Variants in TBC1D2 observed in about 807,000 individuals in gnomAD.
TBC1D2 encodes the protein TBC1 domain family member 2A.
Under a neutral mutation model 91.1 loss-of-function variants are expected in TBC1D2, and 58 were observed. The observed-to-expected ratio is 0.64, with a 90% CI of 0.52 to 0.79. The LOEUF (loss-of-function observed/expected upper bound fraction) is 0.79, where lower values mean the gene tolerates loss of function less well. TBC1D2 is among the 30% of genes least tolerant of loss of function. TBC1D2 has a pLI of 0.00. For synonymous variants in TBC1D2, 482 were observed against 511.5 expected (o/e 0.94, Z 0.78); for missense variants, 1,080 against 1,208.3 (o/e 0.89, Z 1.57).
chr9:98,255,265 T>G lies in TBC1D2; in HGVS notation c.277A>C (p.Ile93Leu). 1 of 1,614,240 alleles carries G rather than the reference T, an allele frequency of 6.2e-7. No homozygotes were observed. Among genetic ancestry groups the G allele is most frequent in the Non-Finnish European group, 8.5e-7 (1 of 1,180,040 alleles). Residue 93 changes from isoleucine to leucine, a missense_variant, in exon 1 of 13, where the codon ATC becomes CTC. Transcript: ENST00000465784. ...TAQDANPLDS[I>L]DLSSAVFDCK... is the part of the protein sequence containing the mutation. ...TCAAACACTGCACTGGAGAGGTCGA[T>G]GCTGTCCAAGGGATTGGCATCCTGA... is the stretch of plus-strand genomic sequence containing the variant.
chr9:98,236,580 G>A (rs775608095), intron 3 of TBC1D2, among the ~76,000 whole-genome samples: 2 of 152,276 alleles, frequency 1.3e-5, no homozygotes, highest in Admixed American at 6.5e-5. Context: ...TTTCATTATA[G>A]AGTCCAGTAG....
intron 4 of TBC1D2, among the ~76,000 whole-genome samples, chr9:98,233,118 C>T (rs772784205): frequency 1.3e-5 from 2 of 152,212 alleles, no homozygotes; most frequent in Admixed American, 6.5e-5. Context: ...AGAGCTCTTT[C>T]GGCCACGTGA....
At chr9:98,242,743 T>G (rs1364796659) in intron 3 of TBC1D2, among the ~76,000 whole-genome samples, 1 of 149,950 alleles carries the variant, frequency 6.7e-6, no homozygotes, top group Non-Finnish European at 1.5e-5. Context: ...CAGCCATGAC[T>G]GGTGGAGCCA....
chr9:98,216,172 G>T (rs74376492), intron 6 of TBC1D2, among the ~76,000 whole-genome samples: 9,470 of 152,284 alleles, frequency 0.062, 326 homozygotes, highest in African/African-American at 0.075. Context: ...TACCTCATGT[G>T]GCTGGGAGAG....
intron 3 of TBC1D2, among the ~76,000 whole-genome samples, chr9:98,235,893 T>C (rs1301451324): frequency 6.6e-6 from 1 of 151,722 alleles, no homozygotes; most frequent in Middle Eastern, 3.2e-3. Context: ...AAATTAGCCA[T>C]GTGTGGTGGC....
intron 6 of TBC1D2, 62 bp downstream of exon 6, chr9:98,220,771 C>A: frequency 1.3e-6 from 2 of 1,584,798 alleles, no homozygotes; most frequent in Non-Finnish European, 1.7e-6. Flanking sequence ...GAGAGCGCAC[C>A]TTCCCTGAGG....
chr9:98,209,984 A>G (rs963477008), intron 8 of TBC1D2, among the ~76,000 whole-genome samples: 1 of 134,696 alleles, frequency 7.4e-6, no homozygotes, highest in South Asian at 2.3e-4. Context: ...GTGCACCACC[A>G]CTCTTCTTTT....
At chr9:98,245,417 A>G (rs537428568) in intron 2 of TBC1D2, among the ~76,000 whole-genome samples, 1 of 151,300 alleles carries the variant, frequency 6.6e-6, no homozygotes, top group Non-Finnish European at 1.5e-5. Context: ...AAACAGAAAA[A>G]TTAGCTGAGT....
At chr9:98,204,232 G>A (rs1564231886) in intron 9 of TBC1D2, among the ~76,000 whole-genome samples, 1 of 152,190 alleles carries the variant, frequency 6.6e-6, no homozygotes. Flanking sequence ...GGTCTCCCAA[G>A]ATGCTAGGTG....
Position 98,208,845 on chromosome 9 carries a change from C to T in TBC1D2, c.1973G>A (p.Arg658Gln), listed in dbSNP as rs202237270. ...AGCAGGGTGCTCGCGGGCCTGGCCC[C>T]GGCTCAGCAGTTCCTGGTAGCAGCC... ...TPGCYQELLS[R>Q]GQAREHPAAR... Residue 658 changes from arginine (R) to glutamine (Q), a missense_variant, in exon 9 of 13, where the codon CGG becomes CAG. Transcript: ENST00000465784. 41 of 1,611,520 alleles carry T rather than the reference C, an allele frequency of 2.5e-5. No individual in the cohort carries two copies. In the African/African-American group the frequency reaches 3.5e-4, roughly 14 times the overall value.
chr9:98,200,405 A>G (rs1588023962), intron 11 of TBC1D2, 31 bp from the exon 12 acceptor site: 2 of 1,394,570 alleles, frequency 1.4e-6, no homozygotes, highest in Admixed American at 2.1e-5. Flanking sequence ...CAGGTAGGGC[A>G]TGGGGGGGCC....
rs1828557208 is a variant in TBC1D2, at chr9:98,203,236, C to G, written c.2271+52G>C. The G allele has an allele frequency of 2.5e-6, 4 of 1,607,830 alleles. No homozygotes were observed. In the Admixed American group the frequency reaches 6.7e-5, roughly 27 times the overall value. On this transcript the variant is annotated intron_variant, in intron 10 of 12. Coordinates refer to ENST00000465784, the MANE Select transcript of TBC1D2 (RefSeq NM_001267571.2). The stretch of plus-strand genomic sequence containing the variant: ...GAGAGTCACAGGCTTCTAGGAACAG[C>G]TCTGGGGCACTGCCCTACATGGCTG...
At chr9:98,225,902 T>A (rs1829222154) in intron 5 of TBC1D2, among the ~76,000 whole-genome samples, 1 of 152,168 alleles carries the variant, frequency 6.6e-6, no homozygotes, top group Non-Finnish European at 1.5e-5. Context: ...CCAGATCAGC[T>A]AGGATAAGAC....
At chr9:98,201,715 C>T in intron 10 of TBC1D2, 51 bp from the exon 11 acceptor site, 1 of 1,538,052 alleles carries the variant, frequency 6.5e-7, no homozygotes, top group Non-Finnish European at 8.8e-7. Context: ...GTAGGGCTGC[C>T]TCCCTCCCTG....
chr9:98,227,904 G>A (rs1182992278), intron 5 of TBC1D2, among the ~76,000 whole-genome samples: 1 of 152,098 alleles, frequency 6.6e-6, no homozygotes, highest in African/African-American at 2.4e-5. Context: ...GGCCAAACTA[G>A]GTATAGGGAG....
At chr9:98,220,668 C>A (rs1013674863) in intron 6 of TBC1D2, among the ~76,000 whole-genome samples, 165 bp downstream of exon 6, 1 of 152,172 alleles carries the variant, frequency 6.6e-6, no homozygotes, top group African/African-American at 2.4e-5. Flanking sequence ...AGTGAAGAAG[C>A]GTAGAGCAAT....
At chr9:98,203,433 G>A in intron 9 of TBC1D2, 25 bp from the exon 10 acceptor site, 1 of 1,612,744 alleles carries the variant, frequency 6.2e-7, no homozygotes, top group African/African-American at 1.3e-5. Flanking sequence ...AAGGCCTGGA[G>A]TGATTACAGA....
chr9:98,233,385 G>A (rs1262910506), intron 4 of TBC1D2, 31 bp downstream of exon 4: 1 of 1,595,164 alleles, frequency 6.3e-7, no homozygotes. Flanking sequence ...GCTGGTCCCT[G>A]AAGGCAGCTC....
In TBC1D2 at chr9:98,244,126, T is replaced by C. The variant is rs1829712277; in HGVS notation, c.515A>G (p.Gln172Arg). Reference sequence around the variant, plus strand: ...GAACTCCTCCAGCTCTGCCTCTTCTTGCCCTGGGAACAAAGAAAAGGGAAA... The same window carrying C: ...GAACTCCTCCAGCTCTGCCTCTTCTCGCCCTGGGAACAAAGAAAAGGGAAA... The part of the protein sequence containing the change: ...NGPVLHLELG[Q>R]EEAELEEFLC... The change falls in exon 3 of 13, where the codon CAA (glutamine) becomes CGA (arginine). Residue 172 changes from glutamine (Q) to arginine (R), a missense_variant. Gln to Arg is a conservative substitution (Grantham distance 43, BLOSUM62 1). Transcript: ENST00000465784. The C allele has an allele frequency of 1.2e-6, 2 of 1,613,036 alleles. No homozygotes were observed.
Sources: allele counts gnomAD v4.1 joint callset (sites outside exome capture counted in the v4.1 genomes callset), GRCh38; gene constraint gnomAD v4.1.1; transcripts MANE v1.5; gene names NCBI Gene and HGNC (gene_info 2026-07-23, HGNC 2026-07-21).